The following CASD1 variants were observed in gnomAD, a reference collection of about 807,000 sequenced individuals.
CASD1 encodes the protein CAS1 domain sialic acid O acetyltransferase 1.
A neutral mutation model predicts 100.0 loss-of-function variants in CASD1; 41 were observed. That is an observed-to-expected ratio of 0.41 (90% confidence interval 0.32 to 0.53). The LOEUF (loss-of-function observed/expected upper bound fraction) is 0.53, where lower values mean the gene tolerates loss of function less well. Among genes scored for constraint, CASD1 ranks in the 20% least tolerant of loss-of-function variants. The pLI is 0.25. For missense variants in CASD1, 774 were observed against 948.7 expected, an observed-to-expected ratio of 0.82 and a Z score of 2.42; for synonymous variants, 321 against 315.6, an observed-to-expected ratio of 1.02 and a Z score of -0.18.
intron 3 of CASD1, among the ~76,000 whole-genome samples, chr7:94,522,633 C>T (rs554865917): frequency 1.4e-4 from 21 of 151,970 alleles, no homozygotes; most frequent in African/African-American, 3.6e-4. Context: ...GTTTGAAGCA[C>T]GCGTGGAACT....
At position 94,510,190 on chromosome 7, in the gene CASD1, T is replaced by A; in HGVS notation, c.106T>A (p.Cys36Ser). ...ALVAVLLLAA[C>S]HLASRRYRGN... ...GGTGGCCGTGCTGCTGCTCGCAGCGTGCCACCTCGCCTCCCGCCGCTACCG... is the reference window on the plus strand; with the variant it reads ...GGTGGCCGTGCTGCTGCTCGCAGCGAGCCACCTCGCCTCCCGCCGCTACCG... The change falls in exon 1 of 18, where the codon TGC (cysteine) becomes AGC (serine). Residue 36 changes from cysteine (C) to serine (S), a missense_variant. Cys to Ser is a moderately radical substitution (Grantham distance 112). Around this residue, in one of 5 missense-constraint regions of CASD1, gnomAD observed 75 missense variants for 60.9 expected, o/e 1.23. Transcript: ENST00000297273. The A allele has an allele frequency of 6.7e-7, 1 of 1,500,690 alleles. No homozygotes were observed. Among genetic ancestry groups the A allele is most frequent in the Non-Finnish European group, 8.9e-7 (1 of 1,125,552 alleles). The allele number at this position is 1,500,690 out of a possible 1,614,324, so 93.0% of individuals were successfully genotyped here.
At chr7:94,552,492 C>A in intron 16 of CASD1, 65 bp downstream of exon 16, 2 of 1,248,114 alleles carry the variant, frequency 1.6e-6, no homozygotes, top group Admixed American at 2.2e-5. Flanking sequence ...TTTTTAGAGG[C>A]AGAGAGATTT....
chr7:94,620,824 C>G, the CASD1 span: 1 of 152,334 alleles, frequency 6.6e-6, no homozygotes, highest in Non-Finnish European at 1.5e-5. Flanking sequence ...AGGCTTTGAG[C>G]TGGGCAGCTG....
intron 17 of CASD1, 50 bp downstream of exon 17, chr7:94,554,625 TTG>T (rs1248558223): frequency 8.3e-7 from 1 of 1,205,640 alleles, no homozygotes; most frequent in East Asian, 2.3e-5. Flanking sequence ...TGTTTCATGT[TTG>T]TGTATGTACG....
the CASD1 span, among the ~76,000 whole-genome samples, chr7:94,631,657 C>T: frequency 6.6e-6 from 1 of 151,580 alleles, no homozygotes; most frequent in Admixed American, 6.6e-5. Flanking sequence ...GGGGGCCTTT[C>T]GGGGAAGGGA....
At chr7:94,582,651 A>ATTCTT in the CASD1 span, among the ~76,000 whole-genome samples, 4 of 152,106 alleles carry the variant, frequency 2.6e-5, no homozygotes, top group African/African-American at 9.7e-5. Context: ...TTTACTACTC[A>ATTCTT]TTCTTTTGGT....
At chr7:94,541,241 T>A (rs1795377156) in intron 10 of CASD1, among the ~76,000 whole-genome samples, 1 of 152,000 alleles carries the variant, frequency 6.6e-6, no homozygotes, top group Admixed American at 6.6e-5. Flanking sequence ...TCTTGGATAT[T>A]TGAGGGATTA....
chr7:94,536,803 C>T (rs953460477), intron 8 of CASD1, among the ~76,000 whole-genome samples: 2 of 152,174 alleles, frequency 1.3e-5, no homozygotes, highest in African/African-American at 4.8e-5. Flanking sequence ...ACTAGACAGA[C>T]TCAACTTTCC....
At chr7:94,569,705 A>G in the CASD1 span, among the ~76,000 whole-genome samples, 2 of 152,008 alleles carry the variant, frequency 1.3e-5, no homozygotes, top group Non-Finnish European at 2.9e-5. Context: ...CAGCCTCCCA[A>G]AGTACTAGGA....
Position 94,549,697 on chromosome 7 carries a change from T to A in CASD1, c.1815+63T>A. ...TATACTGTTGGAAAATGATTGGAAA[T>A]TTTTGATCTATCTATACTTAGTTTC... On this transcript the variant is annotated intron_variant, in intron 14 of 17. Coordinates refer to ENST00000297273, the MANE Select transcript of CASD1 (RefSeq NM_022900.5). The A allele has an allele frequency of 2.4e-6, 3 of 1,269,514 alleles. No homozygotes were observed. The Admixed American group carries it at 5.9e-5, about 25-fold the overall frequency. 78.6% of individuals were successfully genotyped at this position (1,269,514 alleles called of 1,614,324 possible).
At chr7:94,632,921 C>G in the CASD1 span, among the ~76,000 whole-genome samples, 2 of 152,080 alleles carry the variant, frequency 1.3e-5, no homozygotes, top group Non-Finnish European at 2.9e-5. Context: ...ACAGTTAACA[C>G]ATGTTGCAGT....
chr7:94,526,297 G>A (rs999559401), intron 3 of CASD1, among the ~76,000 whole-genome samples: 3 of 152,196 alleles, frequency 2.0e-5, no homozygotes, highest in African/African-American at 7.2e-5. Flanking sequence ...CTACCTTCTA[G>A]AGTACCTTGG....
chr7:94,604,554 A>G, the CASD1 span, among the ~76,000 whole-genome samples: 2 of 151,298 alleles, frequency 1.3e-5, no homozygotes, highest in African/African-American at 4.8e-5. Flanking sequence ...AGATCAATGG[A>G]ATAGAACTGA....
chr7:94,535,064 A>C (rs34434257), intron 7 of CASD1, among the ~76,000 whole-genome samples: 577 of 152,344 alleles, frequency 3.8e-3, no homozygotes, highest in Non-Finnish European at 6.6e-3. Context: ...ATCTGTGTAC[A>C]TAAAGATGGG....
the CASD1 span, chr7:94,585,520 A>G: frequency 6.3e-7 from 1 of 1,598,840 alleles, no homozygotes; most frequent in Non-Finnish European, 8.6e-7. Context: ...ATTTACCTGC[A>G]ATGTGTAAGA....
chr7:94,537,041 T>G (rs1309497095), intron 8 of CASD1, among the ~76,000 whole-genome samples: 1 of 152,142 alleles, frequency 6.6e-6, no homozygotes, highest in African/African-American at 2.4e-5. Flanking sequence ...GCCTGGTATC[T>G]TCTGTTTTGA....
the CASD1 span, among the ~76,000 whole-genome samples, chr7:94,603,681 C>T: frequency 1.3e-5 from 2 of 152,016 alleles, no homozygotes; most frequent in Admixed American, 1.3e-4. Flanking sequence ...GATACTCTCT[C>T]CATTCTATGT....
chr7:94,513,773 A>C (rs1328173208), intron 1 of CASD1, among the ~76,000 whole-genome samples: 1 of 152,236 alleles, frequency 6.6e-6, no homozygotes, highest in Non-Finnish European at 1.5e-5. Context: ...AACTGTGGAT[A>C]AATAGATTTC....
the CASD1 span, chr7:94,623,308 C>T: frequency 1.4e-6 from 2 of 1,455,078 alleles, no homozygotes; most frequent in Admixed American, 1.7e-5. Context: ...AAATGATCAA[C>T]ATATTTTCAT....
Sources: gnomAD v4.1 joint callset for allele counts (sites outside exome capture counted in the v4.1 genomes callset) on GRCh38, gnomAD v4.1.1 for gene constraint, gnomAD v4.1.1 regional missense constraint, MANE v1.5 for transcripts, NCBI Gene and HGNC (gene_info 2026-07-23, HGNC 2026-07-21) for gene names.